The following C5orf63 variants were observed in gnomAD, a reference collection of about 807,000 sequenced individuals.
C5orf63 encodes chromosome 5 open reading frame 63.
Under a neutral mutation model 13.3 loss-of-function variants are expected in C5orf63, and 18 were observed. The ratio of observed to expected loss-of-function variants is 1.36; its 90% CI spans 0.94 to 2.01. The LOEUF (loss-of-function observed/expected upper bound fraction) is 2.01. C5orf63 is among the 30% of genes most tolerant of loss of function. The pLI, the probability that C5orf63 is intolerant of heterozygous loss-of-function variation, is 0.00. For synonymous variants in C5orf63, 38 were observed against 44.7 expected (o/e 0.85, Z 0.60); for missense variants, 118 against 127.7 (o/e 0.92, Z 0.36).
At chr5:127,062,862 AT>A (rs1754160530) in intron 2 of C5orf63, among the ~76,000 whole-genome samples, 1 of 152,188 alleles carries the variant, frequency 6.6e-6, no homozygotes, top group South Asian at 2.1e-4. Flanking sequence ...ATGTCATTGA[AT>A]TTAGTCATGA....
chr5:127,062,822 T>A (rs942086213), intron 2 of C5orf63, among the ~76,000 whole-genome samples: 1 of 152,214 alleles, frequency 6.6e-6, no homozygotes, highest in Non-Finnish European at 1.5e-5. Context: ...TGTTAGCTCA[T>A]GACTGTGAGA....
intron 2 of C5orf63, among the ~76,000 whole-genome samples, chr5:127,059,985 C>T (rs991663088): frequency 1.3e-4 from 20 of 151,592 alleles, no homozygotes; most frequent in Non-Finnish European, 2.5e-4. Flanking sequence ...ACTAAAAATA[C>T]AAATTAGCTG....
chr5:127,043,561 T>C (rs1580519158), downstream of C5orf63: 4 of 152,360 alleles, frequency 2.6e-5, no homozygotes, highest in South Asian at 4.1e-4. Context: ...CACAATCTGA[T>C]TTCTAAATAT....
Position 127,058,981 on chromosome 5 carries a change from T to C in C5orf63, c.15A>G (p.Gln5=), listed in dbSNP as rs193185477. The C allele has an allele frequency of 5.3e-5, 82 of 1,536,036 alleles. No homozygotes were observed. The African/African-American group carries it at 1.0e-3, about 19-fold the overall frequency. The change falls in exon 3 of 5, where the codon CAA becomes CAG. Residue 5 remains glutamine, a synonymous_variant. Transcript: ENST00000296662. MLWF[Q]GNSMQLARSS... ...ATCTGGCAAGTTGCATGCTATTTCC[T>C]TGAAACCAGAGCATCTTAATTCTGC...
At position 127,061,161 on chromosome 5, in the gene C5orf63, G is replaced by A. The variant is rs141828370; in HGVS notation, c.-7-2159C>T. 1.3e-3 allele frequency among the ~76,000 whole-genome samples: 205 copies of A among 152,142 alleles called. No homozygotes were observed. In the East Asian group the frequency reaches 0.015, roughly 11 times the overall value. ...GGGTACCCACAAAATTTTGGGTTGG[G>A]GTACTGCAACTGGTTCTAACTCCTT... On this transcript the variant is annotated intron_variant, in intron 2 of 4. Transcript: ENST00000296662.
chr5:127,054,059 G>T (rs1261006349), intron 3 of C5orf63, among the ~76,000 whole-genome samples: 1 of 152,014 alleles, frequency 6.6e-6, no homozygotes, highest in African/African-American at 2.4e-5. Context: ...GTCAACACAG[G>T]ATCTTAAAAG....
At chr5:127,048,467 T>G (rs1753575861), downstream of C5orf63, among the ~76,000 whole-genome samples, 1 of 151,998 alleles carries the variant, frequency 6.6e-6, no homozygotes, top group Admixed American at 6.6e-5. Context: ...CTTATGCCCC[T>G]CCCTCTTGAT....
At chr5:127,044,273 T>C (rs917475401), downstream of C5orf63, 3 of 152,312 alleles carry the variant, frequency 2.0e-5, no homozygotes, top group South Asian at 6.2e-4. Context: ...GGTTGGATTC[T>C]TCTTATTACT....
At chr5:127,064,466 G>A (rs781716293) in intron 2 of C5orf63, among the ~76,000 whole-genome samples, 40 of 152,148 alleles carry the variant, frequency 2.6e-4, no homozygotes, top group Non-Finnish European at 5.6e-4. Flanking sequence ...CTATGGGCCC[G>A]GCTATACATG....
intron 2 of C5orf63, among the ~76,000 whole-genome samples, chr5:127,066,687 C>G (rs985535351): frequency 1.3e-5 from 2 of 151,828 alleles, no homozygotes; most frequent in African/African-American, 4.8e-5. Context: ...GGAAAAAAAT[C>G]CGGGTCTAAA....
Position 127,051,689 on chromosome 5 carries a change from A to C in C5orf63, c.*82T>G, listed in dbSNP as rs1753680756. 3 of 1,406,882 alleles carry C rather than the reference A, an allele frequency of 2.1e-6. No homozygotes were observed. Among genetic ancestry groups the C allele is most frequent in the Non-Finnish European group, 2.8e-6 (3 of 1,084,834 alleles). 87.1% of individuals were successfully genotyped at this position (1,406,882 alleles called of 1,614,324 possible). A position where few individuals can be genotyped will look rare whatever the true frequency, so the allele number is the denominator to read the frequency against. ...ACATCCTTAGGGCTCTGTACAAGTG[A>C]CAAAATGAGTATCAGGCCATGGTCA... On this transcript the variant is annotated 3_prime_UTR_variant, in exon 5 of 5. Transcript: ENST00000296662.
intron 2 of C5orf63, among the ~76,000 whole-genome samples, chr5:127,067,918 G>C (rs1181349918): frequency 6.6e-6 from 1 of 152,184 alleles, no homozygotes; most frequent in African/African-American, 2.4e-5. Flanking sequence ...TAACTAATCA[G>C]TCAGAGGAAT....
chr5:127,056,234 G>A (rs771036952), intron 3 of C5orf63, among the ~76,000 whole-genome samples: 1 of 152,212 alleles, frequency 6.6e-6, no homozygotes. Context: ...CCAGTGGGTA[G>A]CTATAAGGCT....
intron 2 of C5orf63, among the ~76,000 whole-genome samples, chr5:127,062,893 C>T (rs1215899808): frequency 6.6e-6 from 1 of 152,026 alleles, no homozygotes; most frequent in Non-Finnish European, 1.5e-5. Flanking sequence ...CCTTACTACA[C>T]ACACAGACAT....
intron 2 of C5orf63, among the ~76,000 whole-genome samples, chr5:127,062,952 A>C (rs1754164542): frequency 6.6e-6 from 1 of 152,176 alleles, no homozygotes; most frequent in Non-Finnish European, 1.5e-5. Context: ...ATGAGCAAAA[A>C]GAGCTGTGTT....
intron 3 of C5orf63, 122 bp from the exon 4 acceptor site, chr5:127,052,791 T>C (rs1753728454): frequency 3.0e-5 from 19 of 629,350 alleles, no homozygotes; most frequent in Non-Finnish European, 4.3e-5. Flanking sequence ...AATAGTTTTC[T>C]ACCATGTTAG....
At chr5:127,047,590 C>T, downstream of C5orf63, 2 of 635,664 alleles carry the variant, frequency 3.1e-6, no homozygotes, top group South Asian at 3.7e-5. Context: ...GTATATGTAA[C>T]CAATACTCTA....
downstream of C5orf63, among the ~76,000 whole-genome samples, chr5:127,049,780 C>G (rs1247794130): frequency 6.6e-6 from 1 of 152,178 alleles, no homozygotes; most frequent in Non-Finnish European, 1.5e-5. Flanking sequence ...CTTGGTGTGG[C>G]TGGATTCTTG....
exon 5 of C5orf63, chr5:127,045,391 A>G (rs974260739): frequency 6.6e-6 from 1 of 152,218 alleles, no homozygotes; most frequent in Non-Finnish European, 1.5e-5. Context: ...TCCTTGGCTC[A>G]TGGCTGCTTT....
Sources: gnomAD v4.1 joint callset for allele counts (sites outside exome capture counted in the v4.1 genomes callset) on GRCh38, gnomAD v4.1.1 for gene constraint, MANE v1.5 for transcripts, NCBI Gene and HGNC (gene_info 2026-07-23, HGNC 2026-07-21) for gene names.